Variants in PDPR observed in about 807,000 individuals in gnomAD.
The protein encoded by PDPR is pyruvate dehydrogenase phosphatase regulatory subunit, mitochondrial.
In PDPR, 50 loss-of-function variants were observed where a neutral mutation model predicts 102.2. That is an observed-to-expected ratio of 0.49 (90% CI 0.39 to 0.62). The LOEUF (loss-of-function observed/expected upper bound fraction) is 0.62. Among genes scored for constraint, PDPR ranks in the 20% least tolerant of loss-of-function variants. The pLI, the probability that PDPR is intolerant of heterozygous loss-of-function variation, is 0.00. For synonymous variants in PDPR, 259 were observed against 406.0 expected, an observed-to-expected ratio of 0.64 and a Z score of 4.35; for missense variants, 625 against 1,098.2, an observed-to-expected ratio of 0.57 and a Z score of 6.09.
chr16:70,134,797 A>AAAAT (rs1689980750), intron 9 of PDPR, among the ~76,000 whole-genome samples: 2 of 148,922 alleles, frequency 1.3e-5, no homozygotes, highest in Non-Finnish European at 3.0e-5. Flanking sequence ...AAAAAAAAAA[A>AAAAT]AATAATAATA....
intron 2 of PDPR, among the ~76,000 whole-genome samples, chr16:70,116,541 C>CAA (rs937202031): frequency 6.2e-5 from 6 of 97,346 alleles, no homozygotes; most frequent in Non-Finnish European, 8.8e-5. Context: ...CCCCTCTCTA[C>CAA]AAAAAAAAAA....
At position 70,153,620 on chromosome 16, in the gene PDPR, T is replaced by G. The variant is rs765177413; in HGVS notation, c.2235+47T>G. 10 of 1,525,380 alleles carry G rather than the reference T, an allele frequency of 6.6e-6. No homozygotes were observed. The South Asian group carries it at 1.3e-4, about 19-fold the overall frequency. 94.5% of individuals were successfully genotyped at this position (1,525,380 alleles called of 1,614,324 possible). The stretch of plus-strand genomic sequence containing the variant: ...CACTTTCACTCAGCATCCCGAGTAG[T>G]GAATCTGCACTAGACTAGGAAGAAG... On this transcript the variant is annotated intron_variant, in intron 18 of 18. Coordinates refer to ENST00000288050, the MANE Select transcript of PDPR (RefSeq NM_017990.5).
At chr16:70,162,801 T>C (rs562293595), downstream of PDPR, among the ~76,000 whole-genome samples, 470 of 152,256 alleles carry the variant, frequency 3.1e-3, 1 homozygote, top group African/African-American at 0.011. Context: ...TGCCACCTGA[T>C]GTTCCACACG....
Position 70,146,177 on chromosome 16 carries a change from G to A in PDPR, c.1911G>A (p.Glu637=), listed in dbSNP as rs745434842. The A allele has an allele frequency of 8.1e-6, 13 of 1,613,768 alleles. No individual in the cohort carries two copies. The South Asian group carries it at 1.4e-4, about 18-fold the overall frequency. Reference sequence around the variant, plus strand: ...CTCGAGCTGTGGATGTGCTGTCTGAGTTGTCCTATGCCCCTATGACTCCAG... The same window carrying A: ...CTCGAGCTGTGGATGTGCTGTCTGAATTGTCCTATGCCCCTATGACTCCAG... ...IGPRAVDVLS[E]LSYAPMTPDH... Residue 637 remains glutamate, a synonymous_variant, in exon 16 of 19, where the codon GAG becomes GAA. Coordinates refer to ENST00000288050, the MANE Select transcript of PDPR (RefSeq NM_017990.5).
At chr16:70,152,917 C>T (rs1966840334) in intron 17 of PDPR, among the ~76,000 whole-genome samples, 1 of 152,288 alleles carries the variant, frequency 6.6e-6, no homozygotes, top group Non-Finnish European at 1.5e-5. Flanking sequence ...GATGTGTGCA[C>T]ACGTCTCGAG....
rs572625758 is a variant in PDPR, at chr16:70,153,470, G to A, written c.2132G>A (p.Arg711His). 8.7e-6 allele frequency: 14 copies of A among 1,613,480 alleles called. No individual in the cohort carries two copies. The East Asian group carries it at 8.9e-5, about 10-fold the overall frequency. Residue 711 changes from arginine (R) to histidine (H), a missense_variant, in exon 18 of 19, where the codon CGC becomes CAC. Physicochemically the swap from Arg to His is conservative, Grantham distance 29. Around this residue, in one of 11 missense-constraint regions of PDPR, gnomAD observed 303 missense variants for 258.9 expected, o/e 1.17. Coordinates refer to ENST00000288050, the MANE Select transcript of PDPR (RefSeq NM_017990.5). Reference protein sequence around the residue: ...GIRNAGYYALRSLRIEKFFAF... With the variant: ...GIRNAGYYALHSLRIEKFFAF... The stretch of plus-strand genomic sequence containing the variant: ...CGGAATGCTGGGTATTACGCTCTTC[G>A]CAGTCTCCGAATTGAGAAGTTTTTT...
chr16:70,119,092 G>A (rs1335463544), intron 2 of PDPR, among the ~76,000 whole-genome samples: 1 of 152,064 alleles, frequency 6.6e-6, no homozygotes, highest in Non-Finnish European at 1.5e-5. Context: ...TGCATGGACA[G>A]CCAGTAGGTG....
At chr16:70,142,743 TGCC>T in intron 13 of PDPR, 57 bp downstream of exon 13, 1 of 1,609,392 alleles carries the variant, frequency 6.2e-7, no homozygotes, top group Admixed American at 1.7e-5. Context: ...ATTTATTGAA[TGCC>T]TTTTGTTTTT....
chr16:70,121,766 CTT>C (rs1240965083), intron 3 of PDPR, among the ~76,000 whole-genome samples: 55 of 146,414 alleles, frequency 3.8e-4, no homozygotes, highest in Non-Finnish European at 4.8e-4. Context: ...TTCTTATTCC[CTT>C]TTTTTTTTTT....
At chr16:70,152,015 C>T (rs1017941790) in intron 17 of PDPR, among the ~76,000 whole-genome samples, 43 of 152,270 alleles carry the variant, frequency 2.8e-4, no homozygotes, top group Admixed American at 6.5e-5. Flanking sequence ...TTACATCGTT[C>T]TTCCTTGGTC....
At chr16:70,135,967 G>C (rs542396507) in intron 9 of PDPR, among the ~76,000 whole-genome samples, 1 of 152,136 alleles carries the variant, frequency 6.6e-6, no homozygotes, top group Non-Finnish European at 1.5e-5. Context: ...TAATTGGCAG[G>C]CTGAGGTGAG....
rs76277792 is a variant in PDPR at position 70,127,186 on chromosome 16, T to G, written c.228-74T>G. On this transcript the variant is annotated intron_variant, in intron 3 of 18. Transcript: ENST00000288050. ...CATCTTTTGGTGTTAGAAACAGTAT[T>G]AAATGAGAAACCCTGACCTCGTATT... The G allele has an allele frequency of 3.8e-3, 5,851 of 1,548,396 alleles. 59 individuals are homozygous for G. The East Asian group carries it at 0.06, about 16-fold the overall frequency.
At chr16:70,143,344 A>G (rs1446314034) in intron 13 of PDPR, among the ~76,000 whole-genome samples, 166 bp from the exon 14 acceptor site, 3 of 152,290 alleles carry the variant, frequency 2.0e-5, no homozygotes, top group Non-Finnish European at 2.9e-5. Flanking sequence ...AAGAATCAAT[A>G]GCTAGCGTTC....
intron 2 of PDPR, among the ~76,000 whole-genome samples, chr16:70,119,408 C>T (rs1221681591): frequency 2.0e-5 from 3 of 151,456 alleles, no homozygotes; most frequent in South Asian, 2.1e-4. Context: ...GTGATACTCC[C>T]GCATGAGTGA....
Position 70,156,322 on chromosome 16 carries a change from G to A in PDPR, c.2236-153G>A, listed in dbSNP as rs1967182566. 3.3e-6 allele frequency: 3 copies of A among 910,214 alleles called. No homozygotes were observed. The South Asian group carries it at 5.8e-5, about 18-fold the overall frequency. The allele number at this position is 910,214 out of a possible 1,614,324, so 56.4% of individuals were successfully genotyped here. On this transcript the variant is annotated intron_variant, in intron 18 of 18. Transcript: ENST00000288050. Reference sequence around the variant, plus strand: ...TTCACATGCAGTTTTTCACATGGTAGAAATCGCACAGTTTCCCAAAAGCTG... The same window carrying A: ...TTCACATGCAGTTTTTCACATGGTAAAAATCGCACAGTTTCCCAAAAGCTG...
rs144404267 is a variant in PDPR at position 70,141,134 on chromosome 16, A to G, written c.1316-1100A>G. Among the ~76,000 whole-genome samples, 432 of 152,192 alleles carry G rather than the reference A, an allele frequency of 2.8e-3. No individual in the cohort carries two copies. The East Asian group carries it at 0.08, about 28-fold the overall frequency. ...CGTGGCGTGATTTCGGCTCACTGCA[A>G]CCTCTGCCTCCTGGGTTCAAACAAT... On this transcript the variant is annotated intron_variant, in intron 11 of 18. Coordinates refer to ENST00000288050, the MANE Select transcript of PDPR (RefSeq NM_017990.5).
At chr16:70,143,758 C>T in intron 14 of PDPR, 100 bp downstream of exon 14, 1 of 1,418,600 alleles carries the variant, frequency 7.0e-7, no homozygotes, top group Non-Finnish European at 9.6e-7. Context: ...AACCATAAAT[C>T]CCAGAGTCTA....
In PDPR at chr16:70,160,541, C is replaced by G. The variant is rs1967681112; in HGVS notation, c.*3662C>G. On this transcript the variant is annotated 3_prime_UTR_variant, in exon 19 of 19. Coordinates refer to ENST00000288050, the MANE Select transcript of PDPR (RefSeq NM_017990.5). ...GAGACCACATAGCCCAGTGATTAAA[C>G]CCCGGTTTCACTCTGGCCCCAGGAG... The G allele has an allele frequency of 6.6e-6, 1 of 152,552 alleles. No individual in the cohort carries two copies. Among genetic ancestry groups the G allele is most frequent in the Non-Finnish European group, 1.5e-5 (1 of 68,264 alleles). The allele number at this position is 152,552 out of a possible 1,614,324, so 9.4% of individuals were successfully genotyped here.
chr16:70,148,459 T>G lies in PDPR; in HGVS notation c.1963-5T>G, dbSNP rs1342629466. The G allele has an allele frequency of 1.2e-6, 2 of 1,611,012 alleles. No homozygotes were observed. The highest frequency in any genetic ancestry group is 1.7e-6 in the Non-Finnish European group (2 of 1,177,710). On this transcript the variant is annotated splice_polypyrimidine_tract_variant and splice_region_variant and intron_variant, in intron 16 of 18. Transcript: ENST00000288050. ...CCAGGCTGACTGCTGCCTTTGTCCC[T>G]GCAGGAGATGAGTGTGGGCTATGCA...
Sources: gnomAD v4.1 joint callset for allele counts (sites outside exome capture counted in the v4.1 genomes callset) on GRCh38, gnomAD v4.1.1 for gene constraint, gnomAD v4.1.1 regional missense constraint, MANE v1.5 for transcripts, NCBI Gene and HGNC (gene_info 2026-07-23, HGNC 2026-07-21) for gene names.